Variants in FILIP1L observed in about 807,000 individuals in gnomAD.
The protein encoded by FILIP1L is filamin A-interacting protein 1-like.
FILIP1L carries 55 observed loss-of-function variants against 96.6 expected under a neutral mutation model. The ratio of observed to expected loss-of-function variants is 0.57; its 90% CI spans 0.46 to 0.71. FILIP1L has a LOEUF of 0.71. Ranked by LOEUF, FILIP1L falls within the 30% of genes least tolerant of loss-of-function variation. FILIP1L has a pLI of 0.00. For missense variants in FILIP1L, 1,304 were observed against 1,321.2 expected (o/e 0.99, Z 0.20); for synonymous variants, 467 against 473.9 (o/e 0.99, Z 0.19).
intron 1 of FILIP1L, among the ~76,000 whole-genome samples, chr3:100,080,248 A>G (rs977336360): frequency 1.7e-4 from 26 of 152,160 alleles, no homozygotes; most frequent in Non-Finnish European, 3.2e-4. Context: ...CTCCCAAAGT[A>G]TTGGGATTAC....
At chr3:99,853,330 G>C (rs753362501) in intron 4 of FILIP1L, among the ~76,000 whole-genome samples, 20 of 152,164 alleles carry the variant, frequency 1.3e-4, no homozygotes, top group Non-Finnish European at 2.8e-4. Flanking sequence ...AGTTCTTACA[G>C]TTTTATTAGA....
chr3:100,080,154 T>C (rs2065908737), intron 1 of FILIP1L, among the ~76,000 whole-genome samples: 1 of 152,174 alleles, frequency 6.6e-6, no homozygotes, highest in African/African-American at 2.4e-5. Flanking sequence ...TAAAAATTTC[T>C]ATTTTTTTAA....
chr3:100,106,477 G>C (rs547462683), intron 1 of FILIP1L, among the ~76,000 whole-genome samples: 14 of 152,278 alleles, frequency 9.2e-5, no homozygotes, highest in African/African-American at 3.4e-4. Context: ...GGTGGCAGAT[G>C]ATCTGGAGCC....
chr3:100,064,999 C>G (rs1456036508), intron 1 of FILIP1L, among the ~76,000 whole-genome samples: 2 of 152,178 alleles, frequency 1.3e-5, no homozygotes, highest in Admixed American at 1.3e-4. Context: ...TAACAAAACA[C>G]TATGCTAGGC....
chr3:99,868,544 C>T lies in FILIP1L; in HGVS notation c.606-17474G>A, dbSNP rs562026446. On this transcript the variant is annotated intron_variant, in intron 4 of 5. Transcript: ENST00000477258. ...TGGCACTGTGCCAACTGCTTCATCACGTTTAAGCTTCAGGTTAAGAAGTGA... is the reference window on the plus strand; with the variant it reads ...TGGCACTGTGCCAACTGCTTCATCATGTTTAAGCTTCAGGTTAAGAAGTGA... Among the ~76,000 whole-genome samples the T allele has an allele frequency of 4.6e-5, 7 of 152,308 alleles. No homozygotes were observed. In the East Asian group the frequency reaches 1.4e-3, roughly 29 times the overall value.
intron 1 of FILIP1L, among the ~76,000 whole-genome samples, chr3:100,004,872 G>C (rs1228025129): frequency 6.6e-6 from 1 of 152,156 alleles, no homozygotes; most frequent in Non-Finnish European, 1.5e-5. Context: ...GAGATTAGAG[G>C]CAGGAGAATT....
rs780364901 is a variant in FILIP1L, at chr3:99,930,814, T to C, written c.207A>G (p.Arg69=). 22 of 1,612,682 alleles carry C rather than the reference T, an allele frequency of 1.4e-5. No homozygotes were observed. The highest frequency in any genetic ancestry group is 2.2e-5 in the East Asian group (1 of 44,788). The part of the protein sequence containing the change: ...GNGHQAEDLS[R]DDLLFLLSIL... ...TGCTGAGGAGAAATAACAGGTCATC[T>C]CTTGAGAGGTCTTCTGCTTGGTGGC... Residue 69 remains arginine, a synonymous_variant, in exon 2 of 6, where the codon AGA becomes AGG. Transcript: ENST00000477258.
rs79990373 is a variant in FILIP1L, at chr3:100,001,341, G to A, written c.-10-70311C>T. On this transcript the variant is annotated intron_variant, in intron 1 of 5. Transcript: ENST00000477258. ...GCTGTTTCTGTGACGCAGTGTCAGAGGTGAGTAGCTGCGACAGAGATCACA... is the reference window on the plus strand; with the variant it reads ...GCTGTTTCTGTGACGCAGTGTCAGAAGTGAGTAGCTGCGACAGAGATCACA... Among the ~76,000 whole-genome samples the A allele has an allele frequency of 3.4e-3, 513 of 152,266 alleles. 5 individuals are homozygous for A. Among genetic ancestry groups the A allele is most frequent in the African/African-American group, 0.011 (474 of 41,552 alleles).
chr3:99,854,872 T>C (rs1486570532), intron 4 of FILIP1L, among the ~76,000 whole-genome samples: 8 of 152,230 alleles, frequency 5.3e-5, no homozygotes, highest in Non-Finnish European at 1.5e-5. Context: ...TCTTCCCTGC[T>C]AGTGGCCTAT....
At chr3:99,936,812 G>T (rs1176962315) in intron 1 of FILIP1L, among the ~76,000 whole-genome samples, 1 of 151,970 alleles carries the variant, frequency 6.6e-6, no homozygotes, top group Non-Finnish European at 1.5e-5. Context: ...TTTATAAAAA[G>T]ATATACATAG....
At chr3:99,948,857 A>C (rs1056632780) in intron 1 of FILIP1L, among the ~76,000 whole-genome samples, 2 of 152,148 alleles carry the variant, frequency 1.3e-5, no homozygotes, top group Non-Finnish European at 2.9e-5. Context: ...CTGGAGATTG[A>C]TTTGCCCCAC....
intron 3 of FILIP1L, among the ~76,000 whole-genome samples, chr3:99,927,526 C>T (rs1293308550): frequency 6.6e-6 from 1 of 152,034 alleles, no homozygotes; most frequent in East Asian, 1.9e-4. Flanking sequence ...TGTGCCACCA[C>T]GCCCGGCTAA....
chr3:100,014,898 T>TA (rs34248769), intron 1 of FILIP1L, among the ~76,000 whole-genome samples: 1 of 110,410 alleles, frequency 9.1e-6, no homozygotes, highest in Non-Finnish European at 2.0e-5. Flanking sequence ...TTTCTTTCTT[T>TA]TTTTTTTTTT....
At chr3:100,027,014 C>T (rs2064936076) in intron 1 of FILIP1L, among the ~76,000 whole-genome samples, 1 of 152,240 alleles carries the variant, frequency 6.6e-6, no homozygotes, top group African/African-American at 2.4e-5. Flanking sequence ...TGACCTTTGT[C>T]CTTGCTGTTC....
At chr3:100,013,648 GCTT>G (rs1559725372) in intron 1 of FILIP1L, among the ~76,000 whole-genome samples, 1 of 152,078 alleles carries the variant, frequency 6.6e-6, no homozygotes, top group African/African-American at 2.4e-5. Context: ...TATAAAATAA[GCTT>G]CTTCTAAACA....
chr3:99,939,521 T>C (rs1448029927), intron 1 of FILIP1L, among the ~76,000 whole-genome samples: 1 of 152,240 alleles, frequency 6.6e-6, no homozygotes, highest in Non-Finnish European at 1.5e-5. Context: ...GCCCAGGGTC[T>C]TTCTTAAAGA....
At position 99,930,930 on chromosome 3, in the gene FILIP1L, T is replaced by C; in HGVS notation, c.91A>G (p.Met31Val). ...TCTTTGTCTTGCTGTCTATGCTTCA[T>C]GTTTTTAGGCCCTTGGAAACTGTGG... ...KGHSFQGPKN[M>V]KHRQQDKDSP... Residue 31 changes from methionine to valine, a missense_variant, in exon 2 of 6, where the codon ATG becomes GTG. By Grantham distance (21) the Met-to-Val change is conservative. Coordinates refer to ENST00000477258, the MANE Select transcript of FILIP1L (RefSeq NM_001387850.1). The C allele has an allele frequency of 6.2e-7, 1 of 1,613,810 alleles. No individual in the cohort carries two copies.
chr3:99,853,445 G>A (rs983024931), intron 4 of FILIP1L, among the ~76,000 whole-genome samples: 24 of 152,188 alleles, frequency 1.6e-4, no homozygotes, highest in African/African-American at 5.3e-4. Context: ...TAGGATATAA[G>A]GGAGGGAAGA....
chr3:99,894,082 A>G (rs1156427687), intron 4 of FILIP1L, among the ~76,000 whole-genome samples: 1 of 152,250 alleles, frequency 6.6e-6, no homozygotes, highest in South Asian at 2.1e-4. Context: ...CCTCTCTGCT[A>G]TGATACTCAA....
Sources: gnomAD v4.1 joint callset for allele counts (sites outside exome capture counted in the v4.1 genomes callset) on GRCh38, gnomAD v4.1.1 for gene constraint, MANE v1.5 for transcripts, NCBI Gene and HGNC (gene_info 2026-07-23, HGNC 2026-07-21) for gene names.